The following LPP variants were observed in gnomAD, a reference collection of about 807,000 sequenced individuals.
LPP encodes LIM domain containing preferred translocation partner in lipoma, also known as lipoma-preferred partner.
Under a neutral mutation model 60.4 loss-of-function variants are expected in LPP, and 38 were observed. The ratio of observed to expected loss-of-function variants is 0.63; its 90% CI spans 0.49 to 0.83. LPP has a LOEUF of 0.83. LPP is among the 40% of genes least tolerant of loss of function. The pLI, the probability that LPP is intolerant of heterozygous loss-of-function variation, is 0.00. For synonymous variants in LPP, 328 were observed against 290.8 expected, an observed-to-expected ratio of 1.13 and a Z score of -1.30; for missense variants, 902 against 783.6, an observed-to-expected ratio of 1.15 and a Z score of -1.80.
intron 8 of LPP, among the ~76,000 whole-genome samples, chr3:188,721,882 C>G (rs1281666821): frequency 6.6e-6 from 1 of 152,154 alleles, no homozygotes; most frequent in Non-Finnish European, 1.5e-5. Flanking sequence ...CCATAGGTCT[C>G]ATCTCTCATA....
At chr3:188,843,248 A>G (rs975777006) in intron 9 of LPP, among the ~76,000 whole-genome samples, 2 of 152,190 alleles carry the variant, frequency 1.3e-5, no homozygotes, top group African/African-American at 4.8e-5. Flanking sequence ...AGCCTGGACT[A>G]TTAGGAATGG....
intron 3 of LPP, among the ~76,000 whole-genome samples, chr3:188,371,630 TA>T: frequency 6.6e-5 from 2 of 30,178 alleles, no homozygotes; most frequent in Non-Finnish European, 1.7e-4. Context: ...TATATATATA[TA>T]TATATATATA....
At chr3:188,709,127 C>T (rs1055655757) in intron 8 of LPP, 1 of 151,842 alleles carries the variant, frequency 6.6e-6, no homozygotes, top group African/African-American at 2.4e-5. Context: ...CCTCTTCAAA[C>T]TTGTTAATAA....
intron 6 of LPP, among the ~76,000 whole-genome samples, chr3:188,554,556 T>A (rs1829010436): frequency 6.6e-6 from 1 of 152,220 alleles, no homozygotes; most frequent in African/African-American, 2.4e-5. Context: ...CTGCCAAGCC[T>A]GCAACTATCA....
At chr3:188,422,913 T>TTGTGTG (rs10689970) in intron 4 of LPP, among the ~76,000 whole-genome samples, 9,171 of 133,732 alleles carry the variant, frequency 0.069, 332 homozygotes, top group Non-Finnish European at 0.079. Context: ...GGTGTCTTCT[T>TTGTGTG]TGTGTGTGTG....
chr3:188,819,409 C>T (rs972170185), intron 9 of LPP, among the ~76,000 whole-genome samples: 1 of 151,910 alleles, frequency 6.6e-6, no homozygotes, highest in African/African-American at 2.4e-5. Context: ...CCCTGAATAC[C>T]TATTGCATGC....
In LPP at chr3:188,251,119, CTCTTTCTT is replaced by C. The variant is rs1180053218; in HGVS notation, c.-67+25602_-67+25609del. Among the ~76,000 whole-genome samples the C allele has an allele frequency of 2.1e-5, 3 of 144,408 alleles. No individual in the cohort carries two copies. In the East Asian group the frequency reaches 6.1e-4, roughly 29 times the overall value. 94.7% of individuals were successfully genotyped at this position (144,408 alleles called of 152,430 possible). On this transcript the variant is annotated intron_variant, in intron 2 of 11. Coordinates refer to ENST00000617246, the MANE Select transcript of LPP (RefSeq NM_001375462.1). ...TCTCTCTCTCTTTCTCTCTATTTTC[CTCTTTCTT>C]TCTTTCTTTTGGTTATGGTCTTCAA...
At chr3:188,414,943 T>C (rs1785803301) in intron 4 of LPP, among the ~76,000 whole-genome samples, 1 of 152,076 alleles carries the variant, frequency 6.6e-6, no homozygotes, top group Non-Finnish European at 1.5e-5. Flanking sequence ...ACAAAGTGGA[T>C]TGGATGTTTT....
chr3:188,843,594 C>T lies in LPP; in HGVS notation c.1411-22606C>T, dbSNP rs1267777256. On this transcript the variant is annotated intron_variant, in intron 9 of 11. Transcript: ENST00000617246. ...CGAGGTCAGGAGATCGAGACCATCC[C>T]GGCTAAAACGGTGAAACCCCGTCTC... Among the ~76,000 whole-genome samples, 11 of 151,062 alleles carry T rather than the reference C, an allele frequency of 7.3e-5. No individual in the cohort carries two copies. The South Asian group carries it at 8.4e-4, about 12-fold the overall frequency.
chr3:188,340,473 C>T (rs897408559), intron 2 of LPP, among the ~76,000 whole-genome samples: 5 of 143,740 alleles, frequency 3.5e-5, no homozygotes, highest in African/African-American at 1.3e-4. Flanking sequence ...CTTTTCTTAA[C>T]CTGTTTTGAG....
intron 9 of LPP, among the ~76,000 whole-genome samples, chr3:188,865,600 A>G (rs905137134): frequency 6.6e-6 from 1 of 152,216 alleles, no homozygotes; most frequent in Non-Finnish European, 1.5e-5. Context: ...GTAATAGTGA[A>G]GCATTCCTCA....
At chr3:188,694,709 A>AT (rs1207342302) in intron 7 of LPP, among the ~76,000 whole-genome samples, 4 of 150,876 alleles carry the variant, frequency 2.7e-5, no homozygotes, top group African/African-American at 9.8e-5. Context: ...AAAAAAAAAA[A>AT]ATAAATAAAA....
chr3:188,885,274 T>C lies in LPP; in HGVS notation c.*10795T>C, dbSNP rs1037201623. 9 of 199,480 alleles carry C rather than the reference T, an allele frequency of 4.5e-5. No homozygotes were observed. Among genetic ancestry groups the C allele is most frequent in the Non-Finnish European group, 1.0e-5 (1 of 96,594 alleles). The allele number at this position is 199,480 out of a possible 1,614,324, so 12.4% of individuals were successfully genotyped here. ...CTTTAAAATAATCACACCTGATAAG[T>C]GTTTTATGCATTTCCCTCCCTGGAG... is the stretch of plus-strand genomic sequence containing the variant. On this transcript the variant is annotated 3_prime_UTR_variant, in exon 12 of 12. Coordinates refer to ENST00000617246, the MANE Select transcript of LPP (RefSeq NM_001375462.1).
At chr3:188,503,357 A>T (rs995905651) in intron 5 of LPP, among the ~76,000 whole-genome samples, 14 of 152,196 alleles carry the variant, frequency 9.2e-5, no homozygotes, top group Non-Finnish European at 1.6e-4. Context: ...TAGAAAACAA[A>T]ATTGGGCTTA....
intron 1 of LPP, chr3:188,180,772 C>G (rs1724721130): frequency 7.8e-6 from 1 of 128,636 alleles, no homozygotes; most frequent in African/African-American, 2.5e-5. Context: ...CCTAACAATA[C>G]AGCACAAGCA....
intron 7 of LPP, among the ~76,000 whole-genome samples, chr3:188,646,013 G>GTTT (rs1851045201): frequency 6.6e-6 from 1 of 152,062 alleles, no homozygotes; most frequent in Non-Finnish European, 1.5e-5. Flanking sequence ...AATCTAAACA[G>GTTT]AGAAATAAAT....
intron 1 of LPP, among the ~76,000 whole-genome samples, chr3:188,219,586 A>G (rs1715020897): frequency 6.6e-6 from 1 of 152,164 alleles, no homozygotes; most frequent in Admixed American, 6.5e-5. Flanking sequence ...TCCCAAGTAA[A>G]GCTGAAACCA....
At chr3:188,355,329 A>G (rs1385938857) in intron 3 of LPP, among the ~76,000 whole-genome samples, 2 of 152,174 alleles carry the variant, frequency 1.3e-5, no homozygotes, top group African/African-American at 4.8e-5. Flanking sequence ...CATTTTATGT[A>G]TGATCGTCAT....
chr3:188,688,566 G>C (rs1049810878), intron 7 of LPP, among the ~76,000 whole-genome samples: 1 of 152,188 alleles, frequency 6.6e-6, no homozygotes, highest in Non-Finnish European at 1.5e-5. Flanking sequence ...GACTATGAAG[G>C]CAGGCCCTTC....
Sources: allele counts gnomAD v4.1 joint callset (sites outside exome capture counted in the v4.1 genomes callset), GRCh38; gene constraint gnomAD v4.1.1; transcripts MANE v1.5; gene names NCBI Gene and HGNC (gene_info 2026-07-23, HGNC 2026-07-21).